Variants in PPIL4 observed in about 807,000 individuals in gnomAD.
The protein encoded by PPIL4 is peptidylprolyl isomerase like 4.
A neutral mutation model predicts 69.1 loss-of-function variants in PPIL4; 50 were observed. That is an observed-to-expected ratio of 0.72 (90% CI 0.58 to 0.92). PPIL4 has a LOEUF of 0.92. Ranked by LOEUF, PPIL4 falls within the 40% of genes least tolerant of loss-of-function variation. The probability of loss-of-function intolerance (pLI) is 0.00; values close to 1 mark genes in which losing one functional copy is unlikely to be tolerated. For missense variants in PPIL4, 480 were observed against 587.9 expected, an observed-to-expected ratio of 0.82 and a Z score of 1.90; for synonymous variants, 193 against 191.6, an observed-to-expected ratio of 1.01 and a Z score of -0.06.
At chr6:149,536,664 G>A (rs1777280634) in intron 4 of PPIL4, among the ~76,000 whole-genome samples, 1 of 147,200 alleles carries the variant, frequency 6.8e-6, no homozygotes, top group Admixed American at 7.0e-5. Context: ...AGCTGCAAAA[G>A]AAAGTCTGAA....
intron 1 of PPIL4, among the ~76,000 whole-genome samples, chr6:149,544,687 T>C (rs938660760): frequency 1.1e-4 from 17 of 152,154 alleles, no homozygotes; most frequent in African/African-American, 1.2e-4. Context: ...AGATAATAAG[T>C]AGTAAGTTTG....
intron 1 of PPIL4, among the ~76,000 whole-genome samples, chr6:149,544,039 CA>C (rs1014356962): frequency 3.3e-5 from 5 of 152,196 alleles, no homozygotes; most frequent in South Asian, 2.1e-4. Context: ...CAAATATGTA[CA>C]GGGGGTGGAC....
At chr6:149,539,092 C>G (rs1777322901) in intron 4 of PPIL4, among the ~76,000 whole-genome samples, 1 of 152,150 alleles carries the variant, frequency 6.6e-6, no homozygotes, top group African/African-American at 2.4e-5. Flanking sequence ...GGTGATCCGC[C>G]CCCCTCAGCC....
chr6:149,532,167 G>A (rs1777209694), intron 7 of PPIL4, among the ~76,000 whole-genome samples: 1 of 152,200 alleles, frequency 6.6e-6, no homozygotes, highest in East Asian at 1.9e-4. Context: ...TATAATCAGA[G>A]AGAGAGAAAA....
At chr6:149,543,878 T>C (rs1447011453) in intron 1 of PPIL4, among the ~76,000 whole-genome samples, 1 of 152,210 alleles carries the variant, frequency 6.6e-6, no homozygotes, top group East Asian at 1.9e-4. Flanking sequence ...TCTCTCTACA[T>C]CTGTGTTTTA....
chr6:149,535,825 A>G, intron 4 of PPIL4, 87 bp from the exon 5 acceptor site: 4 of 897,442 alleles, frequency 4.5e-6, no homozygotes, highest in Non-Finnish European at 5.0e-6. Flanking sequence ...AAAATACATG[A>G]AAGTTAAGAG....
chr6:149,538,188 C>T (rs2115039608), intron 4 of PPIL4, among the ~76,000 whole-genome samples: 1 of 152,202 alleles, frequency 6.6e-6, no homozygotes, highest in Non-Finnish European at 1.5e-5. Context: ...ACTGTTTGAA[C>T]CCAGGAGGCA....
intron 9 of PPIL4, among the ~76,000 whole-genome samples, chr6:149,522,465 T>G (rs1392162155): frequency 1.3e-5 from 2 of 152,162 alleles, no homozygotes; most frequent in Non-Finnish European, 2.9e-5. Context: ...AATAGATCAG[T>G]GCAACAGTAT....
At chr6:149,513,308 C>T (rs1372377420) in intron 11 of PPIL4, among the ~76,000 whole-genome samples, 1 of 138,092 alleles carries the variant, frequency 7.2e-6, no homozygotes, top group African/African-American at 2.7e-5. Context: ...TCATTTGAAC[C>T]CAGGAGGTAG....
chr6:149,512,854 T>A (rs1776876397), intron 11 of PPIL4, among the ~76,000 whole-genome samples: 1 of 152,050 alleles, frequency 6.6e-6, no homozygotes. Context: ...GCAATTCTCC[T>A]GCCTCAGCCT....
intron 10 of PPIL4, among the ~76,000 whole-genome samples, chr6:149,518,627 T>C (rs1317475499): frequency 6.6e-6 from 1 of 152,202 alleles, no homozygotes; most frequent in Non-Finnish European, 1.5e-5. Flanking sequence ...TTCCCATAAA[T>C]GTGAAACAGT....
rs148234997 is a variant in PPIL4 at position 149,539,621 on chromosome 6, C to T, written c.321+1321G>A. Among the ~76,000 whole-genome samples, 563 of 152,282 alleles carry T rather than the reference C, an allele frequency of 3.7e-3. 6 individuals carry two copies. Among genetic ancestry groups the T allele is most frequent in the African/African-American group, 0.012 (518 of 41,558 alleles). Reference sequence around the variant, plus strand: ...TCTCGAAATCCTGAGCTCAACCCATCTGCCTGCCTTGCCCCCGCAAAGTAC... The same window carrying T: ...TCTCGAAATCCTGAGCTCAACCCATTTGCCTGCCTTGCCCCCGCAAAGTAC... On this transcript the variant is annotated intron_variant, in intron 4 of 12. Transcript: ENST00000253329.
chr6:149,513,863 C>T (rs868505761), intron 11 of PPIL4, among the ~76,000 whole-genome samples: 11 of 152,232 alleles, frequency 7.2e-5, no homozygotes, highest in South Asian at 4.2e-4. Context: ...AAAAGAGTTA[C>T]GATTTCTGCT....
intron 11 of PPIL4, among the ~76,000 whole-genome samples, chr6:149,516,226 T>C (rs906142406): frequency 6.6e-6 from 1 of 152,218 alleles, no homozygotes; most frequent in Non-Finnish European, 1.5e-5. Context: ...GATTTTGAGC[T>C]TTCAATCATA....
intron 4 of PPIL4, among the ~76,000 whole-genome samples, chr6:149,537,279 G>A (rs1359357706): frequency 6.6e-6 from 1 of 152,222 alleles, no homozygotes; most frequent in Non-Finnish European, 1.5e-5. Flanking sequence ...TTCACAGCTA[G>A]AGAGGAAAAG....
intron 11 of PPIL4, among the ~76,000 whole-genome samples, chr6:149,515,263 A>G (rs1776925870): frequency 6.6e-6 from 1 of 150,860 alleles, no homozygotes; most frequent in Admixed American, 6.6e-5. Flanking sequence ...CTGGGATTAC[A>G]GGCATGAGCC....
intron 12 of PPIL4, among the ~76,000 whole-genome samples, chr6:149,506,038 C>A (rs1776765761): frequency 6.6e-6 from 1 of 152,120 alleles, no homozygotes; most frequent in Admixed American, 6.5e-5. Flanking sequence ...AGTCTTATTC[C>A]CAGCTCCCCA....
At chr6:149,514,174 G>C (rs1776909117) in intron 11 of PPIL4, among the ~76,000 whole-genome samples, 1 of 152,192 alleles carries the variant, frequency 6.6e-6, no homozygotes, top group African/African-American at 2.4e-5. Flanking sequence ...GTACCATTCG[G>C]TTATGACTCC....
At position 149,540,961 on chromosome 6, in the gene PPIL4, C is replaced by T. The variant is rs752278322; in HGVS notation, c.302G>A (p.Ser101Asn). ...KGTVSMVNNG[S>N]DQHGSQFLIT... ...CCTAACCTGAGATCCATGTTGATCA[C>T]TGCCATTATTCACCATGGACACTGT... is the stretch of plus-strand genomic sequence containing the variant. The change falls in exon 4 of 13, where the codon AGT (serine) becomes AAT (asparagine). Residue 101 changes from serine (S) to asparagine (N), a missense_variant. Ser to Asn is a conservative substitution (Grantham distance 46). Transcript: ENST00000253329. The T allele has an allele frequency of 5.0e-6, 8 of 1,601,616 alleles. No individual in the cohort carries two copies. Among genetic ancestry groups the T allele is most frequent in the Non-Finnish European group, 6.8e-6 (8 of 1,169,530 alleles).
Sources: gnomAD v4.1 joint callset for allele counts (sites outside exome capture counted in the v4.1 genomes callset) on GRCh38, gnomAD v4.1.1 for gene constraint, MANE v1.5 for transcripts, NCBI Gene and HGNC (gene_info 2026-07-23, HGNC 2026-07-21) for gene names.